PAN2: variants seen among roughly 807,000 people sequenced by gnomAD.
PAN2 encodes the protein PAN2-PAN3 deadenylation complex catalytic subunit PAN2.
PAN2 carries 68 observed loss-of-function variants against 133.3 expected under a neutral mutation model. The ratio of observed to expected loss-of-function variants is 0.51; its 90% CI spans 0.42 to 0.62. PAN2 has a LOEUF of 0.62. Among genes scored for constraint, PAN2 ranks in the 20% least tolerant of loss-of-function variants. The pLI is 0.00. For missense variants in PAN2, 1,042 were observed against 1,500.5 expected (o/e 0.69, Z 5.05); for synonymous variants, 462 against 544.6 (o/e 0.85, Z 2.11).
At chr12:56,325,821 C>T (rs763901131) in intron 8 of PAN2, among the ~76,000 whole-genome samples, 7 of 152,224 alleles carry the variant, frequency 4.6e-5, no homozygotes, top group Non-Finnish European at 7.3e-5. Flanking sequence ...ACAGCTACTC[C>T]GGCCAGACTG....
At chr12:56,328,680 G>A (rs1192725842) in intron 2 of PAN2, 39 bp from the exon 3 acceptor site, 3 of 1,577,168 alleles carry the variant, frequency 1.9e-6, no homozygotes, top group South Asian at 1.1e-5. Flanking sequence ...TTAGAGTGGA[G>A]GGGCAAGGGC....
chr12:56,329,992 A>G (rs1875572081), intron 2 of PAN2, among the ~76,000 whole-genome samples: 1 of 151,430 alleles, frequency 6.6e-6, no homozygotes, highest in Non-Finnish European at 1.5e-5. Flanking sequence ...GTTCAAGTCC[A>G]AGGTCCAAGC....
Position 56,328,499 on chromosome 12 carries a change from C to G in PAN2, c.425G>C (p.Arg142Pro), listed in dbSNP as rs773640168. The G allele has an allele frequency of 3.4e-5, 55 of 1,614,076 alleles. No homozygotes were observed. Among genetic ancestry groups the G allele is most frequent in the Non-Finnish European group, 4.6e-5 (54 of 1,180,018 alleles). ...GTAATCAAATATAATGAGGCCCCCA[C>G]GGGCCATATACTTGAGGTTGTTCTT... ...LTKNNLKYMA[R>P]GGLIIFDYLL... is the part of the protein sequence containing the mutation. The change falls in exon 3 of 26, where the codon CGT becomes CCT. Residue 142 changes from arginine to proline, a missense_variant. Around this residue, in one of 3 missense-constraint regions of PAN2, gnomAD observed 908 missense variants for 1,223.5 expected, o/e 0.74. Transcript: ENST00000440411.
In PAN2 at chr12:56,319,608, C is replaced by T; in HGVS notation, c.3090+13G>A. On this transcript the variant is annotated intron_variant, in intron 22 of 25. Coordinates refer to ENST00000440411, the MANE Select transcript of PAN2 (RefSeq NM_014871.6). This position sits in a 1 kb window ranked among gnomAD's most constrained non-coding sequence, Gnocchi z 5.4. ...CCAGGGTGTGCCTCACTTGCATCTC[C>T]ATATCCTAATACCTGCTCCTGGGTA... 6.2e-7 allele frequency: 1 copy of T among 1,601,076 alleles called. No individual in the cohort carries two copies. The highest frequency in any genetic ancestry group is 8.5e-7 in the Non-Finnish European group (1 of 1,173,914).
chr12:56,327,095 G>T (rs920877685), intron 6 of PAN2, 136 bp from the exon 7 acceptor site: 1 of 785,946 alleles, frequency 1.3e-6, no homozygotes, highest in Non-Finnish European at 2.0e-6. Flanking sequence ...ATGCCACTTC[G>T]TGCCTTCCAT....
At position 56,324,660 on chromosome 12, in the gene PAN2, C is replaced by A; in HGVS notation, c.1649G>T (p.Cys550Phe). 6.2e-7 allele frequency: 1 copy of A among 1,614,054 alleles called. No individual in the cohort carries two copies. The highest frequency in any genetic ancestry group is 8.5e-7 in the Non-Finnish European group (1 of 1,180,018). Residue 550 changes from cysteine to phenylalanine, a missense_variant, in exon 11 of 26, where the codon TGC (cysteine) becomes TTC (phenylalanine). Coordinates refer to ENST00000440411, the MANE Select transcript of PAN2 (RefSeq NM_014871.6). ...ACATGCCAGACAGAACTCCTTCTGG[C>A]AAAGGTGGTTTTGAATTAGACAGCG... is the stretch of plus-strand genomic sequence containing the variant. ...PVRCLIQNHLCQKEFCLACEL... is the reference protein window; with the variant it reads ...PVRCLIQNHLFQKEFCLACEL...
At chr12:56,326,233 A>G in intron 8 of PAN2, 80 bp downstream of exon 8, 1 of 1,333,840 alleles carries the variant, frequency 7.5e-7, no homozygotes, top group South Asian at 1.5e-5. Flanking sequence ...TCTAAAAACA[A>G]AAGAAAGACT....
chr12:56,328,166 C>T (rs1448688154), intron 4 of PAN2, 72 bp downstream of exon 4: 14 of 1,600,178 alleles, frequency 8.7e-6, no homozygotes, highest in Non-Finnish European at 1.2e-5. Flanking sequence ...AGGCACATTA[C>T]CAGCCCAAGC....
Position 56,319,267 on chromosome 12 carries a change from C to T in PAN2, c.3270+41G>A. 3 of 1,611,464 alleles carry T rather than the reference C, an allele frequency of 1.9e-6. No homozygotes were observed. Among genetic ancestry groups the T allele is most frequent in the Non-Finnish European group, 2.5e-6 (3 of 1,178,422 alleles). Reference sequence around the variant, plus strand: ...AAGGCACAATGTATACCCTGAGGGGCCCACTCTCACAAGAAGACTCTTAAA... The same window carrying T: ...AAGGCACAATGTATACCCTGAGGGGTCCACTCTCACAAGAAGACTCTTAAA... On this transcript the variant is annotated intron_variant, in intron 23 of 25. Transcript: ENST00000440411. This position sits in a 1 kb window ranked among gnomAD's most constrained non-coding sequence, Gnocchi z 5.4.
chr12:56,326,551 G>C, intron 7 of PAN2, 66 bp downstream of exon 7: 4 of 1,526,980 alleles, frequency 2.6e-6, no homozygotes, highest in Middle Eastern at 2.2e-4. Flanking sequence ...AGGGCTAGCA[G>C]AGAATTCTGG....
At chr12:56,322,383 AGG>A in intron 19 of PAN2, 38 bp downstream of exon 19, 1 of 1,509,408 alleles carries the variant, frequency 6.6e-7, no homozygotes, top group Non-Finnish European at 9.2e-7. Flanking sequence ...TGCTAGGAAA[AGG>A]GGAAATGAAA....
chr12:56,324,942 G>T (rs1442154889), intron 10 of PAN2, 67 bp downstream of exon 10: 3 of 1,577,862 alleles, frequency 1.9e-6, no homozygotes, highest in African/African-American at 2.7e-5. Flanking sequence ...AAAGAGCAGG[G>T]TCGAGAGCCA....
Position 56,328,532 on chromosome 12 carries a change from A to G in PAN2, c.392T>C (p.Phe131Ser). 1 of 1,614,244 alleles carries G rather than the reference A, an allele frequency of 6.2e-7. No individual in the cohort carries two copies. The highest frequency in any genetic ancestry group is 8.5e-7 in the Non-Finnish European group (1 of 1,180,026). The change falls in exon 3 of 26, where the codon TTT (phenylalanine) becomes TCT (serine). Residue 131 changes from phenylalanine to serine, a missense_variant. Physicochemically the swap from Phe to Ser is radical, Grantham distance 155. Coordinates refer to ENST00000440411, the MANE Select transcript of PAN2 (RefSeq NM_014871.6). ...QIQSLENGIL[F>S]LTKNNLKYMA... is the part of the protein sequence containing the mutation. ...ATACTTGAGGTTGTTCTTGGTGAGA[A>G]AAAGGATACCATTCTCCAGGCTCTG... is the stretch of plus-strand genomic sequence containing the variant.
At chr12:56,333,358 A>T in intron 1 of PAN2, 150 bp from the exon 2 acceptor site, 2 of 479,028 alleles carry the variant, frequency 4.2e-6, no homozygotes, top group Non-Finnish European at 7.7e-6. Flanking sequence ...AGGGATGGGC[A>T]GTGGGGGTGG....
chr12:56,320,169 T>C (rs1445188419), intron 20 of PAN2, 148 bp from the exon 21 acceptor site: 2 of 709,722 alleles, frequency 2.8e-6, no homozygotes, highest in African/African-American at 3.5e-5. Flanking sequence ...GTCTGATAAA[T>C]GGGACAGGTA....
intron 2 of PAN2, among the ~76,000 whole-genome samples, chr12:56,330,358 T>C (rs111883942): frequency 7.2e-4 from 70 of 97,598 alleles, no homozygotes; most frequent in African/African-American, 2.4e-3. Flanking sequence ...TTTTTCTTTT[T>C]TTTTTTTTTT....
At chr12:56,317,821 G>A (rs1005029064) in intron 25 of PAN2, among the ~76,000 whole-genome samples, 178 bp from the exon 26 acceptor site, 8 of 152,212 alleles carry the variant, frequency 5.3e-5, no homozygotes, top group African/African-American at 1.7e-4. Context: ...GTATTTTACT[G>A]AATGTTAGGA....
chr12:56,333,655 G>C (rs1876164969), intron 1 of PAN2: 1 of 153,290 alleles, frequency 6.5e-6, no homozygotes. Context: ...TAGCTACCCA[G>C]GATTCTCTAG....
chr12:56,333,028 G>A lies in PAN2; in HGVS notation c.67C>T (p.Pro23Ser). Reference sequence around the variant, plus strand: ...GGGTTCAGGTGGGCATCCAAGACAGGGTCCAGGGCAGAATGCATGGCTGGG... The same window carrying A: ...GGGTTCAGGTGGGCATCCAAGACAGAGTCCAGGGCAGAATGCATGGCTGGG... ...YAPAMHSALD[P>S]VLDAHLNPSL... Residue 23 changes from proline to serine, a missense_variant, in exon 2 of 26, where the codon CCT (proline) becomes TCT (serine). This residue lies in a region of PAN2 where 908 missense variants were observed against 1,223.5 expected (regional missense o/e 0.74). Coordinates refer to ENST00000440411, the MANE Select transcript of PAN2 (RefSeq NM_014871.6). The A allele has an allele frequency of 6.2e-7, 1 of 1,613,978 alleles. No individual in the cohort carries two copies. The highest frequency in any genetic ancestry group is 8.5e-7 in the Non-Finnish European group (1 of 1,179,988).
Sources: gnomAD v4.1 joint callset for allele counts (sites outside exome capture counted in the v4.1 genomes callset) on GRCh38, gnomAD v4.1.1 for gene constraint, gnomAD v4.1.1 regional missense constraint, Gnocchi (gnomAD v3.1) non-coding constraint, MANE v1.5 for transcripts, NCBI Gene and HGNC (gene_info 2026-07-23, HGNC 2026-07-21) for gene names.